The following PLCL1 variants were observed in gnomAD, a reference collection of about 807,000 sequenced individuals.
PLCL1 encodes phospholipase C like 1 (inactive), also known as inactive phospholipase C-like protein 1.
A neutral mutation model predicts 84.4 loss-of-function variants in PLCL1; 41 were observed. That is an observed-to-expected ratio of 0.49 (90% CI 0.38 to 0.63). The LOEUF is 0.63. PLCL1 is among the 30% of genes least tolerant of loss of function. The probability of loss-of-function intolerance (pLI) is 0.00; values close to 1 mark genes in which losing one functional copy is unlikely to be tolerated. For synonymous variants in PLCL1, 490 were observed against 488.3 expected (o/e 1.00, Z -0.05); for missense variants, 1,206 against 1,367.8 (o/e 0.88, Z 1.87).
rs1468574884 is a variant in PLCL1 at position 198,127,009 on chromosome 2, T to TGG, written c.3106-19770_3106-19769insGG. On this transcript the variant is annotated intron_variant, in intron 5 of 5. Transcript: ENST00000428675. ...GTGTGTGAGTGTGTGTGTGTGTGTG[T>TGG]GTGGGGGGTGGTGTATTCTTAGTCC... Among the ~76,000 whole-genome samples, 10 of 49,724 alleles carry TGG rather than the reference T, an allele frequency of 2.0e-4. No homozygotes were observed. The South Asian group carries it at 2.7e-3, about 14-fold the overall frequency. 32.6% of individuals were successfully genotyped at this position (49,724 alleles called of 152,430 possible). A position where few individuals can be genotyped will look rare whatever the true frequency, so the allele number is the denominator to read the frequency against.
At chr2:198,087,750 C>T (rs1461522896) in intron 2 of PLCL1, among the ~76,000 whole-genome samples, 1 of 152,098 alleles carries the variant, frequency 6.6e-6, no homozygotes, top group African/African-American at 2.4e-5. Context: ...TCATGATGTG[C>T]TTATTTCATA....
At chr2:197,904,746 T>C (rs577753846) in intron 1 of PLCL1, among the ~76,000 whole-genome samples, 39 of 152,324 alleles carry the variant, frequency 2.6e-4, no homozygotes, top group African/African-American at 9.1e-4. Context: ...ATTTTATCTT[T>C]GAACTAAATG....
At position 198,116,510 on chromosome 2, in the gene PLCL1, C is replaced by T. The variant is rs988191513; in HGVS notation, c.3105+12574C>T. Among the ~76,000 whole-genome samples the T allele has an allele frequency of 1.3e-4, 20 of 151,802 alleles. 1 individual carries two copies. The Middle Eastern group carries it at 0.01, about 77-fold the overall frequency. On this transcript the variant is annotated intron_variant, in intron 5 of 5. Transcript: ENST00000428675. Reference sequence around the variant, plus strand: ...GATTAATTATAGATTCTTTGAAAAACGTATGCCCTTGGAGTTTTAAAAATA... The same window carrying T: ...GATTAATTATAGATTCTTTGAAAAATGTATGCCCTTGGAGTTTTAAAAATA...
chr2:197,993,587 C>T (rs952733745), intron 1 of PLCL1, among the ~76,000 whole-genome samples: 13 of 152,054 alleles, frequency 8.5e-5, no homozygotes, highest in African/African-American at 3.1e-4. Context: ...ATTATCACCC[C>T]TGGGCCTGAG....
At chr2:198,043,017 T>A (rs1274908334) in intron 1 of PLCL1, among the ~76,000 whole-genome samples, 1 of 152,122 alleles carries the variant, frequency 6.6e-6, no homozygotes. Flanking sequence ...CACCAATGAT[T>A]TCCAAGAGAG....
intron 1 of PLCL1, among the ~76,000 whole-genome samples, chr2:197,896,932 A>G (rs546789917): frequency 1.3e-5 from 2 of 152,066 alleles, no homozygotes; most frequent in East Asian, 3.9e-4. Context: ...TGTATTTTAG[A>G]GCAGATAGAA....
chr2:198,143,864 T>G (rs1272432739), intron 5 of PLCL1, among the ~76,000 whole-genome samples: 1 of 150,626 alleles, frequency 6.6e-6, no homozygotes, highest in African/African-American at 2.4e-5. Context: ...GCCTTTCAGT[T>G]TTGCTTCTTT....
chr2:197,849,991 A>G (rs1412386689), intron 1 of PLCL1, among the ~76,000 whole-genome samples: 10 of 150,580 alleles, frequency 6.6e-5, no homozygotes, highest in Admixed American at 6.0e-4. Flanking sequence ...ATTCTCTTAG[A>G]GGTTAAACAC....
At chr2:198,109,819 G>A (rs539739492) in intron 5 of PLCL1, among the ~76,000 whole-genome samples, 1 of 151,920 alleles carries the variant, frequency 6.6e-6, no homozygotes, top group South Asian at 2.1e-4. Flanking sequence ...TTTCTAACTT[G>A]TCCTGTTGGC....
Position 197,930,460 on chromosome 2 carries a change from C to T in PLCL1, c.240+125121C>T, listed in dbSNP as rs74725690. The stretch of plus-strand genomic sequence containing the variant: ...CTTTGGGTTCTTTTATACTTGATGA[C>T]TTTAAATCTGTGAAAACTAAGGGGC... On this transcript the variant is annotated intron_variant, in intron 1 of 5. Coordinates refer to ENST00000428675, the MANE Select transcript of PLCL1 (RefSeq NM_006226.4). Among the ~76,000 whole-genome samples, 1,209 of 152,240 alleles carry T rather than the reference C, an allele frequency of 7.9e-3. 19 individuals carry two copies. Among genetic ancestry groups the T allele is most frequent in the African/African-American group, 0.026 (1,062 of 41,552 alleles).
rs142405611 is a variant in PLCL1, at chr2:197,962,413, G to T, written c.241-121345G>T. ...GAGTTCTTCTGGATCATCCATCACT[G>T]TGTGGTAACTAACGTAAACTAATTG... On this transcript the variant is annotated intron_variant, in intron 1 of 5. Coordinates refer to ENST00000428675, the MANE Select transcript of PLCL1 (RefSeq NM_006226.4). 3.3e-5 allele frequency among the ~76,000 whole-genome samples: 5 copies of T among 152,140 alleles called. No homozygotes were observed. In the East Asian group the frequency reaches 7.7e-4, roughly 23 times the overall value.
intron 1 of PLCL1, among the ~76,000 whole-genome samples, chr2:197,986,772 T>C (rs1453812657): frequency 2.0e-5 from 3 of 152,254 alleles, no homozygotes; most frequent in Non-Finnish European, 4.4e-5. Context: ...GCTTTTCTCC[T>C]TAATTGATCT....
intron 5 of PLCL1, among the ~76,000 whole-genome samples, chr2:198,112,927 G>A (rs1487016964): frequency 6.6e-6 from 1 of 151,874 alleles, no homozygotes; most frequent in Non-Finnish European, 1.5e-5. Flanking sequence ...GGTGGCAGAA[G>A]GGAGAGAATG....
Position 198,085,238 on chromosome 2 carries a change from G to A in PLCL1, c.1721G>A (p.Gly574Asp). The A allele has an allele frequency of 6.2e-7, 1 of 1,614,032 alleles. No homozygotes were observed. The highest frequency in any genetic ancestry group is 8.5e-7 in the Non-Finnish European group (1 of 1,179,948). Reference sequence around the variant, plus strand: ...CGAAGGATGTCGGTAGATTACAATGGTGAGCAGAAGCAAATCCGACTCTGT... The same window carrying A: ...CGAAGGATGTCGGTAGATTACAATGATGAGCAGAAGCAAATCCGACTCTGT... ...MSRRMSVDYNGEQKQIRLCRE... is the reference protein window; with the variant it reads ...MSRRMSVDYNDEQKQIRLCRE... The change falls in exon 2 of 6, where the codon GGT becomes GAT. Residue 574 changes from glycine (G) to aspartate (D), a missense_variant. Coordinates refer to ENST00000428675, the MANE Select transcript of PLCL1 (RefSeq NM_006226.4). The surrounding 1 kb of genome is among the most constrained non-coding windows in gnomAD (Gnocchi z 5.3).
intron 1 of PLCL1, among the ~76,000 whole-genome samples, chr2:197,956,612 T>A (rs994023573): frequency 6.6e-6 from 1 of 152,166 alleles, no homozygotes; most frequent in African/African-American, 2.4e-5. Context: ...TAATCGCCAT[T>A]CTGACTGGCA....
At chr2:197,968,940 G>T (rs1204751796) in intron 1 of PLCL1, among the ~76,000 whole-genome samples, 1 of 152,184 alleles carries the variant, frequency 6.6e-6, no homozygotes, top group African/African-American at 2.4e-5. Context: ...CCAGACCACG[G>T]TCTGGTTAGG....
At chr2:197,962,451 A>T (rs1178725806) in intron 1 of PLCL1, among the ~76,000 whole-genome samples, 1 of 151,936 alleles carries the variant, frequency 6.6e-6, no homozygotes, top group East Asian at 1.9e-4. Flanking sequence ...TTTCTTTTTA[A>T]TTTTTAATTT....
At chr2:198,114,244 G>A (rs1693687839) in intron 5 of PLCL1, among the ~76,000 whole-genome samples, 1 of 151,846 alleles carries the variant, frequency 6.6e-6, no homozygotes, top group Non-Finnish European at 1.5e-5. Context: ...CATCCCAGCT[G>A]TGCTGCCCAG....
chr2:197,901,044 G>T (rs1345122293), intron 1 of PLCL1, among the ~76,000 whole-genome samples: 1 of 152,164 alleles, frequency 6.6e-6, no homozygotes, highest in Non-Finnish European at 1.5e-5. Flanking sequence ...CATACACATT[G>T]AGAAGTGATG....
Sources: allele counts gnomAD v4.1 joint callset (sites outside exome capture counted in the v4.1 genomes callset), GRCh38; gene constraint gnomAD v4.1.1; non-coding constraint Gnocchi (gnomAD v3.1); transcripts MANE v1.5; gene names NCBI Gene and HGNC (gene_info 2026-07-23, HGNC 2026-07-21).